Variants in SGCD observed in about 807,000 individuals in gnomAD.
SGCD encodes the protein delta-sarcoglycan.
Under a neutral mutation model 36.6 loss-of-function variants are expected in SGCD, and 18 were observed. That is an observed-to-expected ratio of 0.49 (90% confidence interval 0.34 to 0.73). The LOEUF (loss-of-function observed/expected upper bound fraction) is 0.73. SGCD is among the 30% of genes least tolerant of loss of function. The probability of loss-of-function intolerance (pLI) is 0.01; values close to 1 mark genes in which losing one functional copy is unlikely to be tolerated. For synonymous variants in SGCD, 133 were observed against 130.6 expected (o/e 1.02, Z -0.12); for missense variants, 387 against 346.7 (o/e 1.12, Z -0.92).
the SGCD span, among the ~76,000 whole-genome samples, chr5:155,846,123 T>C: frequency 6.6e-6 from 1 of 152,232 alleles, no homozygotes; most frequent in Admixed American, 6.5e-5. Context: ...TGACTAGAAC[T>C]TTCTTATCTC....
the SGCD span, among the ~76,000 whole-genome samples, chr5:155,741,556 GT>G: frequency 6.6e-6 from 1 of 152,056 alleles, no homozygotes; most frequent in Non-Finnish European, 1.5e-5. Context: ...TAAGGTCTCT[GT>G]TTTAATGGTA....
chr5:156,628,274 A>G (rs1372428847), intron 6 of SGCD, among the ~76,000 whole-genome samples: 7 of 152,162 alleles, frequency 4.6e-5, no homozygotes, highest in Non-Finnish European at 8.8e-5. Context: ...TACCTCCAAC[A>G]TTGAGGATTG....
chr5:155,741,692 T>TG, the SGCD span, among the ~76,000 whole-genome samples: 1 of 150,288 alleles, frequency 6.7e-6, no homozygotes, highest in African/African-American at 2.4e-5. Context: ...CTTTTCTTTT[T>TG]TTTTTTTTTT....
At chr5:156,056,292 C>T (rs1352144297) in intron 1 of SGCD, among the ~76,000 whole-genome samples, 1 of 146,068 alleles carries the variant, frequency 6.8e-6, no homozygotes, top group African/African-American at 2.5e-5. Flanking sequence ...CAGCCCTTTA[C>T]TGAAACAAAT....
intron 3 of SGCD, among the ~76,000 whole-genome samples, chr5:156,420,921 A>G (rs1355798354): frequency 1.1e-4 from 16 of 152,102 alleles, no homozygotes; most frequent in Admixed American, 1.0e-3. Flanking sequence ...ACTGACATTT[A>G]TAGCTTTTAG....
chr5:156,362,726 A>G (rs1205180994), intron 3 of SGCD, among the ~76,000 whole-genome samples: 2 of 152,184 alleles, frequency 1.3e-5, no homozygotes, highest in Non-Finnish European at 2.9e-5. Flanking sequence ...ATGGACCACT[A>G]TGGAGAACTT....
At chr5:156,464,930 C>T (rs561614117) in intron 3 of SGCD, among the ~76,000 whole-genome samples, 4 of 152,196 alleles carry the variant, frequency 2.6e-5, no homozygotes, top group African/African-American at 9.6e-5. Flanking sequence ...AACATTACGG[C>T]ATTTTTCTAT....
chr5:155,830,404 A>C, the SGCD span, among the ~76,000 whole-genome samples: 1 of 152,174 alleles, frequency 6.6e-6, no homozygotes, highest in Non-Finnish European at 1.5e-5. Flanking sequence ...TTATGACCTC[A>C]TGTAACCTTA....
intron 1 of SGCD, among the ~76,000 whole-genome samples, chr5:155,977,596 C>G (rs1018149279): frequency 3.3e-5 from 5 of 152,174 alleles, no homozygotes; most frequent in African/African-American, 9.7e-5. Flanking sequence ...CCCTTCGTGG[C>G]CTCCATGTGT....
intron 1 of SGCD, among the ~76,000 whole-genome samples, chr5:155,892,616 C>T (rs1288388910): frequency 1.3e-5 from 2 of 152,092 alleles, no homozygotes; most frequent in Non-Finnish European, 2.9e-5. Context: ...TCTGATTTTT[C>T]AAGATCACCT....
At chr5:155,875,281 G>A (rs898597986) in intron 1 of SGCD, among the ~76,000 whole-genome samples, 2 of 152,036 alleles carry the variant, frequency 1.3e-5, no homozygotes, top group Non-Finnish European at 2.9e-5. Context: ...AGGTCTGATG[G>A]ATATGTTCAT....
intron 4 of SGCD, among the ~76,000 whole-genome samples, chr5:156,585,458 G>A (rs1760453492): frequency 6.6e-6 from 1 of 152,144 alleles, no homozygotes. Flanking sequence ...ATCTCACTTT[G>A]TAGAAGCCAG....
intron 3 of SGCD, among the ~76,000 whole-genome samples, chr5:156,229,277 C>CACACATATATATAT (rs1554085595): frequency 2.1e-4 from 12 of 56,502 alleles, no homozygotes; most frequent in Non-Finnish European, 3.6e-4. Flanking sequence ...TATATACATA[C>CACACATATATATAT]ATATATATAT....
the SGCD span, among the ~76,000 whole-genome samples, chr5:155,817,648 C>A: frequency 6.6e-6 from 1 of 151,974 alleles, no homozygotes; most frequent in Non-Finnish European, 1.5e-5. Flanking sequence ...ATTTAAAGGG[C>A]ATGAGATTTA....
chr5:156,679,321 T>C (rs1753634957), intron 7 of SGCD, among the ~76,000 whole-genome samples: 1 of 152,220 alleles, frequency 6.6e-6, no homozygotes, highest in Non-Finnish European at 1.5e-5. Context: ...TAGAAAAGGA[T>C]ACCGCCTCTG....
At chr5:155,747,320 T>G in the SGCD span, among the ~76,000 whole-genome samples, 1 of 152,156 alleles carries the variant, frequency 6.6e-6, no homozygotes, top group African/African-American at 2.4e-5. Context: ...GCAGAGGGTT[T>G]TGGAATCTGG....
chr5:155,803,862 A>T, the SGCD span, among the ~76,000 whole-genome samples: 5 of 152,302 alleles, frequency 3.3e-5, no homozygotes, highest in East Asian at 9.7e-4. Context: ...AAAGATGTTT[A>T]GTGTTCTGTA....
chr5:155,864,285 G>A, the SGCD span, among the ~76,000 whole-genome samples: 2 of 152,178 alleles, frequency 1.3e-5, no homozygotes, highest in Non-Finnish European at 2.9e-5. Flanking sequence ...ATGTATGATG[G>A]TTAAGTAAGG....
intron 4 of SGCD, among the ~76,000 whole-genome samples, chr5:156,525,556 T>G (rs1159810509): frequency 6.6e-6 from 1 of 152,024 alleles, no homozygotes. Context: ...TTTTTTTTAT[T>G]GTATGGAAAA....
Sources: allele counts gnomAD v4.1 joint callset (sites outside exome capture counted in the v4.1 genomes callset), GRCh38; gene constraint gnomAD v4.1.1; transcripts MANE v1.5; gene names NCBI Gene and HGNC (gene_info 2026-07-23, HGNC 2026-07-21).